Variants in TTLL8 observed in about 807,000 individuals in gnomAD.
The protein encoded by TTLL8 is protein monoglycylase TTLL8.
Under a neutral mutation model 77.8 loss-of-function variants are expected in TTLL8, and 65 were observed. The ratio of observed to expected loss-of-function variants is 0.84; its 90% CI spans 0.68 to 1.03. The LOEUF (loss-of-function observed/expected upper bound fraction) is 1.03. Ranked by LOEUF, TTLL8 falls within the 50% of genes least tolerant of loss-of-function variation. The pLI is 0.00. For missense variants in TTLL8, 910 were observed against 1,004.5 expected (o/e 0.91, Z 1.27); for synonymous variants, 402 against 422.8 (o/e 0.95, Z 0.60).
chr22:50,029,329 CCCTCGTAAAG>C (rs1253237242), intron 12 of TTLL8, among the ~76,000 whole-genome samples: 2 of 116,576 alleles, frequency 1.7e-5, no homozygotes, highest in Non-Finnish European at 1.7e-5. Context: ...ACCCCACACA[CCCTCGTAAAG>C]ACCCCATCAC....
At chr22:50,026,048 G>A (rs912121347) in intron 12 of TTLL8, among the ~76,000 whole-genome samples, 4 of 152,164 alleles carry the variant, frequency 2.6e-5, no homozygotes, top group Admixed American at 2.6e-4. Context: ...GACAGACAAA[G>A]GCACATGTCC....
intron 5 of TTLL8, 80 bp downstream of exon 7, chr22:50,045,776 G>T: frequency 7.9e-7 from 1 of 1,264,758 alleles, no homozygotes; most frequent in Non-Finnish European, 1.0e-6. Context: ...TGCCCCATCA[G>T]TCTGTCTCAG....
At chr22:50,046,265 G>A (rs527327826) in intron 4 of TTLL8, among the ~76,000 whole-genome samples, 9 of 152,256 alleles carry the variant, frequency 5.9e-5, no homozygotes, top group South Asian at 2.1e-4. Flanking sequence ...CACCGAGGGC[G>A]GTGGGCACTG....
exon 11 of TTLL8, chr22:50,031,702 T>C (rs778714531): frequency 7.6e-7 from 1 of 1,310,998 alleles, no homozygotes; most frequent in Non-Finnish European, 1.0e-6. Context: ...CCACAGGAGC[T>C]CGAAGTTGCC....
At chr22:50,031,865 C>T (rs747833815) in exon 11 of TTLL8, 1 of 1,367,304 alleles carries the variant, frequency 7.3e-7, no homozygotes, top group East Asian at 4.5e-5. Flanking sequence ...ACGAAGTCAG[C>T]CCCGTAGAGC....
exon 6 of TTLL8, chr22:50,045,283 G>A (rs760252544): frequency 1.9e-5 from 26 of 1,359,954 alleles, no homozygotes; most frequent in African/African-American, 1.5e-4. Flanking sequence ...CGCTGCTCCC[G>A]GCCTCCTCCC....
At chr22:50,039,804 A>C (rs180834299) in intron 8 of TTLL8, among the ~76,000 whole-genome samples, 157 of 151,272 alleles carry the variant, frequency 1.0e-3, no homozygotes, top group African/African-American at 3.7e-3. Flanking sequence ...CACAGACCTC[A>C]CATGTATCAG....
chr22:50,024,734 T>C (rs1029982491), intron 12 of TTLL8, among the ~76,000 whole-genome samples: 5 of 152,190 alleles, frequency 3.3e-5, no homozygotes, highest in Non-Finnish European at 1.5e-5. Flanking sequence ...ACATAAATGA[T>C]CTGTGTTGTT....
upstream of TTLL8, chr22:50,055,209 C>T (rs76127602): frequency 1.9e-5 from 24 of 1,284,098 alleles, 1 homozygote; most frequent in South Asian, 2.7e-4. Context: ...GTCCCCCTCC[C>T]CACCGAGTCC....
chr22:50,049,017 G>A (rs2061428905), intron 3 of TTLL8, among the ~76,000 whole-genome samples: 1 of 152,244 alleles, frequency 6.6e-6, no homozygotes, highest in Non-Finnish European at 1.5e-5. Flanking sequence ...GGGGAGCTGG[G>A]AGCACCGGGT....
intron 12 of TTLL8, among the ~76,000 whole-genome samples, chr22:50,029,374 C>A (rs35077426): frequency 0.22 from 13,790 of 62,222 alleles, 746 homozygotes; most frequent in East Asian, 0.42. Context: ...CCCCACACAC[C>A]CTCGTAAAGA....
chr22:50,020,837 TG>T, intron 12 of TTLL8, among the ~76,000 whole-genome samples: 1 of 149,414 alleles, frequency 6.7e-6, no homozygotes, highest in African/African-American at 2.5e-5. Context: ...CTCCTCCATC[TG>T]ACAACGTGCA....
chr22:50,055,128 C>T (rs1408664726), upstream of TTLL8: 25 of 1,198,074 alleles, frequency 2.1e-5, no homozygotes, highest in Non-Finnish European at 2.4e-5. Context: ...GGCTGCAGCT[C>T]GGGGGCACAG....
rs897303622 is a variant in TTLL8, at chr22:50,030,919, C to A, written c.1714G>T (p.Val572Phe). The A allele has an allele frequency of 2.3e-6, 3 of 1,319,170 alleles. No individual in the cohort carries two copies. In the African/African-American group the frequency reaches 4.5e-5, roughly 20 times the overall value. The allele number at this position is 1,319,170 out of a possible 1,614,324, so 81.7% of individuals were successfully genotyped here. The stretch of plus-strand genomic sequence containing the variant: ...GACCCGCTGAATGGGGGCGGCTCAA[C>A]CACCGGCTGTGGGGAAGGAACAGGT... The change falls in exon 12 of 14, where the codon GTT becomes TTT. Residue 572 changes from valine to phenylalanine, a missense_variant. Val to Phe is a conservative substitution (Grantham distance 50, BLOSUM62 -1). This residue lies in a region of TTLL8 where 776 missense variants were observed against 926.1 expected (regional missense o/e 0.84). Transcript: ENST00000266182.
intron 12 of TTLL8, among the ~76,000 whole-genome samples, chr22:50,029,357 TAAA>T (rs1420234932): frequency 6.4e-5 from 7 of 109,334 alleles, no homozygotes; most frequent in South Asian, 5.8e-4. Context: ...CACACCGTCC[TAAA>T]GACCCCCACA....
exon 5 of TTLL8, chr22:50,045,888 A>T (rs1226362367): frequency 1.5e-6 from 2 of 1,359,432 alleles, no homozygotes; most frequent in Non-Finnish European, 2.0e-6. Context: ...CTCGGTGCAG[A>T]GGCTGTAGCA....
intron 6 of TTLL8, among the ~76,000 whole-genome samples, chr22:50,042,740 G>C (rs940379235): frequency 6.6e-6 from 1 of 152,072 alleles, no homozygotes; most frequent in Non-Finnish European, 1.5e-5. Context: ...GACTAGCCTG[G>C]GCAACACAGT....
intron 12 of TTLL8, among the ~76,000 whole-genome samples, chr22:50,028,589 C>A (rs998155393): frequency 6.8e-6 from 1 of 147,756 alleles, no homozygotes; most frequent in Non-Finnish European, 1.5e-5. Context: ...CCCACCATGC[C>A]CTCGTAAAGA....
intron 12 of TTLL8, among the ~76,000 whole-genome samples, chr22:50,024,978 C>G (rs547669257): frequency 1.3e-5 from 2 of 152,270 alleles, no homozygotes; most frequent in African/African-American, 4.8e-5. Flanking sequence ...CCCCTGGCCC[C>G]TTGATTCTGA....
Sources: gnomAD v4.1 joint callset for allele counts (sites outside exome capture counted in the v4.1 genomes callset) on GRCh38, gnomAD v4.1.1 for gene constraint, gnomAD v4.1.1 regional missense constraint, MANE v1.5 for transcripts, NCBI Gene and HGNC (gene_info 2026-07-23, HGNC 2026-07-21) for gene names.